Variants in UBE3A observed in about 807,000 individuals in gnomAD.
The protein encoded by UBE3A is ubiquitin protein ligase E3A, also known as ubiquitin-protein ligase E3A.
UBE3A carries 6 observed loss-of-function variants against 83.4 expected under a neutral mutation model. That is an observed-to-expected ratio of 0.07 (90% CI 0.04 to 0.14). UBE3A has a LOEUF of 0.14. UBE3A is among the 10% of genes least tolerant of loss of function. UBE3A has a pLI of 1.00. For synonymous variants in UBE3A, 337 were observed against 355.4 expected, an observed-to-expected ratio of 0.95 and a Z score of 0.58; for missense variants, 456 against 1,036.1, an observed-to-expected ratio of 0.44 and a Z score of 7.69.
chr15:25,345,102 A>G (rs1446392457), intron 11 of UBE3A, among the ~76,000 whole-genome samples: 1 of 152,208 alleles, frequency 6.6e-6, no homozygotes, highest in Non-Finnish European at 1.5e-5. Context: ...TCTGACAACT[A>G]CAAGACTGGT....
At chr15:25,416,007 G>C (rs948607387) in intron 1 of UBE3A, among the ~76,000 whole-genome samples, 3 of 151,944 alleles carry the variant, frequency 2.0e-5, no homozygotes, top group Admixed American at 6.6e-5. Flanking sequence ...AAATATGTAA[G>C]AATAACCAAA....
chr15:25,400,967 C>G (rs1461109805), intron 4 of UBE3A, among the ~76,000 whole-genome samples: 1 of 152,138 alleles, frequency 6.6e-6, no homozygotes, highest in Non-Finnish European at 1.5e-5. Flanking sequence ...TATAGAGGTA[C>G]ATTCCTTCTA....
chr15:25,367,228 T>C (rs1051113774), intron 6 of UBE3A, among the ~76,000 whole-genome samples: 1 of 79,594 alleles, frequency 1.3e-5, no homozygotes, highest in Non-Finnish European at 2.4e-5. Flanking sequence ...TATTTACATA[T>C]TTGTAAATAT....
intron 1 of UBE3A, chr15:25,438,056 G>C (rs1236441213): frequency 6.6e-6 from 1 of 152,202 alleles, no homozygotes. Flanking sequence ...AACCCACCAA[G>C]CACACGGCTA....
At chr15:25,409,036 T>C in intron 3 of UBE3A, 52 bp downstream of exon 3, 2 of 1,544,884 alleles carry the variant, frequency 1.3e-6, no homozygotes, top group Non-Finnish European at 8.8e-7. Flanking sequence ...ACAGTATGTA[T>C]TTCACTTTAC....
rs2089240944 is a variant in UBE3A, at chr15:25,408,517, A to T, written c.20+571T>A. 7.1e-6 allele frequency: 10 copies of T among 1,407,720 alleles called. No homozygotes were observed. The East Asian group carries it at 2.3e-4, about 32-fold the overall frequency. The allele number at this position is 1,407,720 out of a possible 1,614,324, so 87.2% of individuals were successfully genotyped here. On this transcript the variant is annotated intron_variant, in intron 3 of 12. Transcript: ENST00000648336. The stretch of plus-strand genomic sequence containing the variant: ...AATAAAATGTAAATCTCAGAATGAG[A>T]ATCAATTTTAGGTCTTGATTTGAAT...
intron 3 of UBE3A, chr15:25,408,562 A>G (rs1224079473): frequency 1.9e-6 from 3 of 1,609,052 alleles, no homozygotes; most frequent in Non-Finnish European, 2.6e-6. Flanking sequence ...TATGATCACA[A>G]AACACCCACT....
At chr15:25,401,031 G>A (rs1224806548) in intron 4 of UBE3A, among the ~76,000 whole-genome samples, 1 of 152,018 alleles carries the variant, frequency 6.6e-6, no homozygotes, top group East Asian at 1.9e-4. Context: ...TCTGTCAAAT[G>A]CTTTTTCTCA....
At chr15:25,360,633 C>T in intron 6 of UBE3A, 106 bp from the exon 7 acceptor site, 1 of 1,348,258 alleles carries the variant, frequency 7.4e-7, no homozygotes, top group Non-Finnish European at 1.0e-6. Flanking sequence ...AAATTTTTGA[C>T]TTTTTGTATG....
At chr15:25,409,336 G>A in intron 2 of UBE3A, 129 bp from the exon 3 acceptor site, 1 of 420,206 alleles carries the variant, frequency 2.4e-6, no homozygotes. Context: ...AATTATTATA[G>A]AAAAGTTTTT....
chr15:25,379,758 A>G (rs1458158029), intron 4 of UBE3A, among the ~76,000 whole-genome samples: 1 of 152,044 alleles, frequency 6.6e-6, no homozygotes, highest in South Asian at 2.1e-4. Context: ...ATAGCTCGTA[A>G]GTCAAATCGA....
intron 11 of UBE3A, among the ~76,000 whole-genome samples, chr15:25,351,228 A>G (rs1378047935): frequency 6.6e-6 from 1 of 152,196 alleles, no homozygotes; most frequent in Non-Finnish European, 1.5e-5. Context: ...GTGGATCTGT[A>G]ATTTAGGGTA....
chr15:25,364,036 T>TAAATAAATA (rs1430435079), intron 6 of UBE3A, among the ~76,000 whole-genome samples: 2 of 137,600 alleles, frequency 1.5e-5, no homozygotes, highest in African/African-American at 5.5e-5. Context: ...TACAAAAAAC[T>TAAATAAATA]AATAAATAAA....
intron 1 of UBE3A, chr15:25,418,179 A>G (rs1002393094): frequency 1.3e-4 from 20 of 152,198 alleles, no homozygotes; most frequent in African/African-American, 4.8e-4. Flanking sequence ...GTATAATCTT[A>G]AATGACTATT....
chr15:25,378,377 CT>C (rs2081580279), intron 4 of UBE3A, among the ~76,000 whole-genome samples: 1 of 152,096 alleles, frequency 6.6e-6, no homozygotes, highest in South Asian at 2.1e-4. Context: ...TTGTCTGGGC[CT>C]CAGTTTTCCC....
intron 1 of UBE3A, chr15:25,413,125 A>G: frequency 2.5e-6 from 1 of 401,164 alleles, no homozygotes; most frequent in Non-Finnish European, 4.8e-6. Context: ...AAAAACTGTA[A>G]GCACTACAAA....
At chr15:25,405,186 ACCTC>A (rs2088190509) in intron 4 of UBE3A, among the ~76,000 whole-genome samples, 1 of 151,824 alleles carries the variant, frequency 6.6e-6, no homozygotes, top group Non-Finnish European at 1.5e-5. Flanking sequence ...TCTTTCCTCA[ACCTC>A]CCTATTTCCC....
chr15:25,364,795 C>T (rs562016997), intron 6 of UBE3A, among the ~76,000 whole-genome samples: 79 of 152,042 alleles, frequency 5.2e-4, no homozygotes, highest in South Asian at 8.3e-4. Context: ...AGGCGCCTGC[C>T]ACCGCGCCTG....
At chr15:25,383,752 CTG>C (rs2082605952) in intron 4 of UBE3A, among the ~76,000 whole-genome samples, 1 of 152,130 alleles carries the variant, frequency 6.6e-6, no homozygotes, top group Non-Finnish European at 1.5e-5. Flanking sequence ...TGATGAAAAA[CTG>C]AAAGTTTTCC....
Sources: gnomAD v4.1 joint callset for allele counts (sites outside exome capture counted in the v4.1 genomes callset) on GRCh38, gnomAD v4.1.1 for gene constraint, MANE v1.5 for transcripts, NCBI Gene and HGNC (gene_info 2026-07-23, HGNC 2026-07-21) for gene names.